The following DNAH12 variants were observed in gnomAD, a reference collection of about 807,000 sequenced individuals.
DNAH12 encodes axonemal beta dynein heavy chain 12.
DNAH12 carries 285 observed loss-of-function variants against 371.5 expected under a neutral mutation model. The ratio of observed to expected loss-of-function variants is 0.77; its 90% CI spans 0.70 to 0.85. The LOEUF is 0.85. Among genes scored for constraint, DNAH12 ranks in the 40% least tolerant of loss-of-function variants. DNAH12 has a pLI of 0.00. For synonymous variants in DNAH12, 1,200 were observed against 1,213.0 expected, an observed-to-expected ratio of 0.99 and a Z score of 0.22; for missense variants, 3,611 against 3,689.4, an observed-to-expected ratio of 0.98 and a Z score of 0.55.
At chr3:57,402,570 G>T in intron 43 of DNAH12, 1 of 639,814 alleles carries the variant, frequency 1.6e-6, no homozygotes, top group Non-Finnish European at 2.3e-6. Context: ...ATAGTCAGTG[G>T]CACAAGCCAG....
intron 8 of DNAH12, among the ~76,000 whole-genome samples, chr3:57,505,599 C>A (rs1340966904): frequency 6.6e-6 from 1 of 152,058 alleles, no homozygotes; most frequent in Non-Finnish European, 1.5e-5. Context: ...TGCCACCACG[C>A]CTGCCTAATT....
Position 57,428,344 on chromosome 3 carries a change from G to A in DNAH12, c.5253+289C>T, listed in dbSNP as rs4681982. 540,396 of 1,166,838 alleles carry A rather than the reference G, an allele frequency of 0.46. 130,068 individuals carry two copies. The highest frequency in any genetic ancestry group is 0.76 in the African/African-American group (47,490 of 62,280). The allele number at this position is 1,166,838 out of a possible 1,614,324, so 72.3% of individuals were successfully genotyped here. On this transcript the variant is annotated intron_variant, in intron 34 of 73. Transcript: ENST00000495027. ...TGAATAACTCATAAACTCACTAAAT[G>A]TACATTGAGTTTTTAGAGGCACATA...
At chr3:57,455,409 A>T (rs1042895758) in intron 22 of DNAH12, among the ~76,000 whole-genome samples, 13 of 139,156 alleles carry the variant, frequency 9.3e-5, no homozygotes, top group Non-Finnish European at 1.7e-4. Flanking sequence ...TACTAAAAAT[A>T]AAAAAAAAAA....
intron 22 of DNAH12, 33 bp from the exon 23 acceptor site, chr3:57,454,927 A>T (rs1559679930): frequency 1.8e-5 from 28 of 1,529,548 alleles, no homozygotes; most frequent in Non-Finnish European, 2.5e-5. Flanking sequence ...TAACTTTAAA[A>T]GCTTGAATGA....
At chr3:57,402,322 C>A in intron 43 of DNAH12, 2 of 1,118,204 alleles carry the variant, frequency 1.8e-6, no homozygotes, top group Non-Finnish European at 1.2e-6. Flanking sequence ...TTTTTTTTTC[C>A]ACTTTGTATC....
At chr3:57,459,556 G>A (rs914407244) in intron 20 of DNAH12, 36 bp downstream of exon 20, 1 of 1,327,982 alleles carries the variant, frequency 7.5e-7, no homozygotes, top group Non-Finnish European at 9.8e-7. Flanking sequence ...AAAAACAAAG[G>A]TTCACCTACT....
chr3:57,521,665 T>C (rs2068451489), intron 4 of DNAH12, among the ~76,000 whole-genome samples: 1 of 152,144 alleles, frequency 6.6e-6, no homozygotes, highest in South Asian at 2.1e-4. Context: ...GGTGGGTGGA[T>C]CACTTGAGGT....
chr3:57,309,215 A>G lies in DNAH12; in HGVS notation c.11125T>C (p.Tyr3709His). 6.4e-7 allele frequency: 1 copy of G among 1,550,432 alleles called. No individual in the cohort carries two copies. The highest frequency in any genetic ancestry group is 8.7e-7 in the Non-Finnish European group (1 of 1,146,710). The change falls in exon 69 of 74, where the codon TAT becomes CAT. Residue 3709 changes from tyrosine (Y) to histidine (H), a missense_variant. This residue lies in a region of DNAH12 where 2,266 missense variants were observed against 2,236.9 expected (regional missense o/e 1.01). Coordinates refer to ENST00000495027, the MANE Select transcript of DNAH12 (RefSeq NM_001366028.2). ...ATGCTTTCTTCATATCTCACAGGAT[A>G]CTTCCGTAGTGCCATTTCAATGTCG... ...DFDIEMALRK[Y>H]PVRYEESMNT... is the part of the protein sequence containing the mutation.
At chr3:57,463,880 G>T (rs1430476363) in intron 17 of DNAH12, among the ~76,000 whole-genome samples, 1 of 151,914 alleles carries the variant, frequency 6.6e-6, no homozygotes, top group Non-Finnish European at 1.5e-5. Context: ...AGATTCTCCT[G>T]CCTCAGCCTC....
intron 41 of DNAH12, among the ~76,000 whole-genome samples, 189 bp from the exon 42 acceptor site, chr3:57,405,336 T>C (rs1553680744): frequency 2.6e-5 from 4 of 152,214 alleles, no homozygotes; most frequent in African/African-American, 9.6e-5. Flanking sequence ...GTAAGATTTA[T>C]ATGTTTTGTT....
At chr3:57,371,753 T>C (rs2063175425) in intron 55 of DNAH12, among the ~76,000 whole-genome samples, 2 of 142,318 alleles carry the variant, frequency 1.4e-5, no homozygotes, top group African/African-American at 5.0e-5. Flanking sequence ...AGAGAAAAAT[T>C]GGAAAATTTC....
At chr3:57,450,019 A>G (rs1324888696) in intron 25 of DNAH12, among the ~76,000 whole-genome samples, 1 of 152,180 alleles carries the variant, frequency 6.6e-6, no homozygotes, top group Non-Finnish European at 1.5e-5. Flanking sequence ...AGGCATAGGC[A>G]GGTGGATCAC....
chr3:57,315,162 T>C (rs560220563), intron 65 of DNAH12, among the ~76,000 whole-genome samples: 8 of 152,198 alleles, frequency 5.3e-5, no homozygotes, highest in African/African-American at 1.9e-4. Context: ...AAGAAATCTG[T>C]GTCAGTGTTC....
intron 62 of DNAH12, among the ~76,000 whole-genome samples, chr3:57,325,175 C>A (rs1243415142): frequency 6.6e-6 from 1 of 152,258 alleles, no homozygotes; most frequent in Non-Finnish European, 1.5e-5. Context: ...GCAGTAACCT[C>A]TGCAGACTTA....
intron 62 of DNAH12, among the ~76,000 whole-genome samples, chr3:57,327,280 C>T: frequency 6.6e-6 from 1 of 151,690 alleles, no homozygotes; most frequent in Non-Finnish European, 1.5e-5. Flanking sequence ...CACACTACAC[C>T]TATTCCAAAA....
At chr3:57,465,586 T>C (rs1031692042) in intron 17 of DNAH12, among the ~76,000 whole-genome samples, 6 of 152,038 alleles carry the variant, frequency 3.9e-5, no homozygotes, top group African/African-American at 9.7e-5. Context: ...CATTTTAAAC[T>C]ACAGTTCAGA....
intron 64 of DNAH12, 109 bp from the exon 65 acceptor site, chr3:57,322,592 T>G: frequency 3.2e-6 from 4 of 1,249,810 alleles, no homozygotes; most frequent in Non-Finnish European, 4.3e-6. Flanking sequence ...CCAGAAATAT[T>G]CAAAAAACCT....
intron 67 of DNAH12, among the ~76,000 whole-genome samples, chr3:57,310,460 G>C (rs1471579471): frequency 6.6e-6 from 1 of 152,088 alleles, no homozygotes; most frequent in Non-Finnish European, 1.5e-5. Context: ...GAGCCTAAGA[G>C]GGTAAAGTTT....
intron 45 of DNAH12, among the ~76,000 whole-genome samples, chr3:57,389,839 T>TATATATACACAA (rs1326237791): frequency 1.2e-5 from 1 of 84,846 alleles, no homozygotes; most frequent in Admixed American, 1.3e-4. Flanking sequence ...TATATATATA[T>TATATATACACAA]AATACTTTTT....
Sources: gnomAD v4.1 joint callset for allele counts (sites outside exome capture counted in the v4.1 genomes callset) on GRCh38, gnomAD v4.1.1 for gene constraint, gnomAD v4.1.1 regional missense constraint, MANE v1.5 for transcripts, NCBI Gene and HGNC (gene_info 2026-07-23, HGNC 2026-07-21) for gene names.